SCIN: variants seen among roughly 807,000 people sequenced by gnomAD.
SCIN encodes the protein scinderin.
A neutral mutation model predicts 91.8 loss-of-function variants in SCIN; 91 were observed. The ratio of observed to expected loss-of-function variants is 0.99; its 90% CI spans 0.84 to 1.18. SCIN has a LOEUF of 1.18. SCIN is among the 50% of genes most tolerant of loss of function. The pLI, the probability that SCIN is intolerant of heterozygous loss-of-function variation, is 0.00. For synonymous variants in SCIN, 367 were observed against 312.6 expected, an observed-to-expected ratio of 1.17 and a Z score of -1.84; for missense variants, 1,087 against 863.9, an observed-to-expected ratio of 1.26 and a Z score of -3.24.
At position 12,650,875 on chromosome 7, in the gene SCIN, G is replaced by A. The variant is rs550183226; in HGVS notation, c.1960-966G>A. Among the ~76,000 whole-genome samples, 202 of 151,696 alleles carry A rather than the reference G, an allele frequency of 1.3e-3. 2 individuals are homozygous for A. Among genetic ancestry groups the A allele is most frequent in the African/African-American group, 4.6e-3 (192 of 41,320 alleles). On this transcript the variant is annotated intron_variant, in intron 14 of 15. Coordinates refer to ENST00000297029, the MANE Select transcript of SCIN (RefSeq NM_001112706.3). ...TCAAAGGTTCCTAGAGGGAGTCTGG[G>A]ATCACCCACAGACAAGCTCTACACG...
intron 4 of SCIN, among the ~76,000 whole-genome samples, chr7:12,608,445 A>C (rs1783125501): frequency 6.6e-6 from 1 of 152,046 alleles, no homozygotes; most frequent in African/African-American, 2.4e-5. Flanking sequence ...AAAATCTAAA[A>C]ATTTTTCAAA....
At chr7:12,614,662 G>A (rs1427080626) in intron 4 of SCIN, among the ~76,000 whole-genome samples, 1 of 152,186 alleles carries the variant, frequency 6.6e-6, no homozygotes, top group Non-Finnish European at 1.5e-5. Flanking sequence ...AGAAGGCTGA[G>A]TGGTTGCTGG....
At chr7:12,619,212 A>G (rs1366486891) in intron 4 of SCIN, among the ~76,000 whole-genome samples, 2 of 152,102 alleles carry the variant, frequency 1.3e-5, no homozygotes, top group African/African-American at 4.8e-5. Context: ...CTTCAAGGTC[A>G]TGCATCATTA....
chr7:12,636,545 C>T (rs1783756334), intron 10 of SCIN, among the ~76,000 whole-genome samples: 1 of 152,072 alleles, frequency 6.6e-6, no homozygotes, highest in Non-Finnish European at 1.5e-5. Context: ...TGTTACAAAG[C>T]AAAGGAGAAT....
chr7:12,616,062 T>C (rs1783293657), intron 4 of SCIN, among the ~76,000 whole-genome samples: 1 of 152,174 alleles, frequency 6.6e-6, no homozygotes, highest in Non-Finnish European at 1.5e-5. Flanking sequence ...GTTCTCATTA[T>C]AGGGGTGCCC....
At chr7:12,590,403 T>C (rs1188581140) in intron 3 of SCIN, among the ~76,000 whole-genome samples, 2 of 152,054 alleles carry the variant, frequency 1.3e-5, no homozygotes, top group East Asian at 1.9e-4. Flanking sequence ...TTTGAGGTTA[T>C]GTCTCTTAGT....
intron 4 of SCIN, among the ~76,000 whole-genome samples, chr7:12,619,817 C>T (rs141067072): frequency 6.6e-6 from 1 of 152,042 alleles, no homozygotes; most frequent in Non-Finnish European, 1.5e-5. Context: ...TCAGAATAAT[C>T]TAGATTGCAG....
At chr7:12,625,561 C>T (rs1783501275) in intron 6 of SCIN, among the ~76,000 whole-genome samples, 1 of 151,108 alleles carries the variant, frequency 6.6e-6, no homozygotes. Context: ...GATCTCTTGA[C>T]CTCATGATCC....
intron 5 of SCIN, among the ~76,000 whole-genome samples, chr7:12,623,161 C>T (rs547340221): frequency 7.2e-5 from 11 of 152,144 alleles, no homozygotes; most frequent in South Asian, 2.1e-4. Flanking sequence ...TAGTTTGCAA[C>T]GATCTTTTGA....
intron 4 of SCIN, among the ~76,000 whole-genome samples, chr7:12,605,128 T>C (rs1245563029): frequency 6.6e-6 from 1 of 152,166 alleles, no homozygotes; most frequent in Non-Finnish European, 1.5e-5. Context: ...CTCCACTCAC[T>C]GCAAGCTCTG....
At chr7:12,601,085 C>A (rs1454579852) in intron 3 of SCIN, among the ~76,000 whole-genome samples, 5 of 152,146 alleles carry the variant, frequency 3.3e-5, no homozygotes, top group Non-Finnish European at 5.9e-5. Flanking sequence ...GCATTCGATT[C>A]TTGAGAGAAG....
At chr7:12,603,889 C>T (rs906212481) in intron 3 of SCIN, among the ~76,000 whole-genome samples, 29 of 127,314 alleles carry the variant, frequency 2.3e-4, no homozygotes, top group Non-Finnish European at 3.7e-4. Context: ...TACATAGCAA[C>T]GAAAACCCTT....
chr7:12,625,881 A>G lies in SCIN; in HGVS notation c.981+31A>G, dbSNP rs779346542. 5 of 1,503,714 alleles carry G rather than the reference A, an allele frequency of 3.3e-6. No individual in the cohort carries two copies. In the East Asian group the frequency reaches 9.1e-5, roughly 27 times the overall value. The allele number at this position is 1,503,714 out of a possible 1,614,324, so 93.1% of individuals were successfully genotyped here. ...TGTGAAACTGAACTGGCTAGAAAAA[A>G]ATAGAAAACATTGGAGCTCATGACA... On this transcript the variant is annotated intron_variant, in intron 7 of 15. Coordinates refer to ENST00000297029, the MANE Select transcript of SCIN (RefSeq NM_001112706.3).
chr7:12,622,375 C>T (rs905120524), intron 4 of SCIN, among the ~76,000 whole-genome samples: 10 of 152,044 alleles, frequency 6.6e-5, no homozygotes, highest in Admixed American at 1.3e-4. Context: ...TATTTTACCT[C>T]CAAATAGTAA....
chr7:12,620,484 T>A (rs902663613), intron 4 of SCIN, among the ~76,000 whole-genome samples: 7 of 152,110 alleles, frequency 4.6e-5, no homozygotes, highest in Admixed American at 1.3e-4. Flanking sequence ...TCACTTAGCA[T>A]AATATACAAT....
At chr7:12,572,598 T>A (rs527981378) in intron 1 of SCIN, among the ~76,000 whole-genome samples, 19 of 152,348 alleles carry the variant, frequency 1.2e-4, no homozygotes, top group African/African-American at 4.3e-4. Context: ...TTGAACACAA[T>A]TCTTTAATTC....
chr7:12,611,592 A>G (rs1339440785), intron 4 of SCIN, among the ~76,000 whole-genome samples: 1 of 152,178 alleles, frequency 6.6e-6, no homozygotes, highest in Non-Finnish European at 1.5e-5. Context: ...TGATTAGATA[A>G]ATCAATCATT....
At chr7:12,638,148 A>G (rs1014372928) in intron 10 of SCIN, among the ~76,000 whole-genome samples, 3 of 152,164 alleles carry the variant, frequency 2.0e-5, no homozygotes, top group African/African-American at 7.2e-5. Context: ...CCCTTACTGT[A>G]TAACTGACAT....
rs1362683891 is a variant in SCIN at position 12,626,702 on chromosome 7, A to G, written c.1100A>G (p.Gln367Arg). ...GKVYVTEKVAQIKQIPFDASK... is the reference protein window; with the variant it reads ...GKVYVTEKVARIKQIPFDASK... ...GTTTATGTCACAGAGAAAGTGGCTC[A>G]AATAAAACAAATTCCCTTTGATGCC... The change falls in exon 8 of 16, where the codon CAA (glutamine) becomes CGA (arginine). Residue 367 changes from glutamine (Q) to arginine (R), a missense_variant. Coordinates refer to ENST00000297029, the MANE Select transcript of SCIN (RefSeq NM_001112706.3). 6.3e-7 allele frequency: 1 copy of G among 1,596,900 alleles called. No individual in the cohort carries two copies. Among genetic ancestry groups the G allele is most frequent in the Non-Finnish European group, 8.5e-7 (1 of 1,171,270 alleles).
Sources: allele counts gnomAD v4.1 joint callset (sites outside exome capture counted in the v4.1 genomes callset), GRCh38; gene constraint gnomAD v4.1.1; transcripts MANE v1.5; gene names NCBI Gene and HGNC (gene_info 2026-07-23, HGNC 2026-07-21).